Variants in PPME1 observed in about 807,000 individuals in gnomAD.
PPME1 encodes protein phosphatase methylesterase 1, also known as testicular secretory protein Li 39.
In PPME1, 17 loss-of-function variants were observed where a neutral mutation model predicts 56.9. The observed-to-expected ratio is 0.30, with a 90% CI of 0.20 to 0.45. The LOEUF (loss-of-function observed/expected upper bound fraction) is 0.45, where lower values mean the gene tolerates loss of function less well. Ranked by LOEUF, PPME1 falls within the 20% of genes least tolerant of loss-of-function variation. The probability of loss-of-function intolerance (pLI) is 1.00; values close to 1 mark genes in which losing one functional copy is unlikely to be tolerated. For synonymous variants in PPME1, 122 were observed against 156.2 expected, an observed-to-expected ratio of 0.78 and a Z score of 1.63; for missense variants, 357 against 483.2, an observed-to-expected ratio of 0.74 and a Z score of 2.45.
intron 1 of PPME1, among the ~76,000 whole-genome samples, chr11:74,182,604 C>T (rs2135595081): frequency 6.6e-6 from 1 of 152,226 alleles, no homozygotes; most frequent in South Asian, 2.1e-4. Flanking sequence ...AAGAGATCTG[C>T]CCACCTTGGC....
At chr11:74,174,019 A>G (rs1424206306) in intron 1 of PPME1, among the ~76,000 whole-genome samples, 2 of 152,132 alleles carry the variant, frequency 1.3e-5, no homozygotes, top group Non-Finnish European at 2.9e-5. Context: ...TTTCTTTTCT[A>G]CTTTATTGGT....
chr11:74,200,804 G>T (rs987059254), intron 1 of PPME1, among the ~76,000 whole-genome samples: 1 of 152,044 alleles, frequency 6.6e-6, no homozygotes, highest in Non-Finnish European at 1.5e-5. Context: ...TCATTTGGTG[G>T]AAATAAGTTG....
chr11:74,174,553 A>C (rs1857362219), intron 1 of PPME1, among the ~76,000 whole-genome samples: 1 of 152,128 alleles, frequency 6.6e-6, no homozygotes, highest in South Asian at 2.1e-4. Context: ...CTTACTCTTA[A>C]CTATTTTTCA....
chr11:74,198,004 C>T (rs570813199), intron 1 of PPME1, among the ~76,000 whole-genome samples: 11 of 152,274 alleles, frequency 7.2e-5, no homozygotes, highest in Non-Finnish European at 1.3e-4. Flanking sequence ...TGTCAAACTT[C>T]TTCCTTTGGC....
In PPME1 at chr11:74,222,556, TCAGCTCA is replaced by T. The variant is rs1858825619; in HGVS notation, c.346+189_346+195del. 4 of 551,720 alleles carry T rather than the reference TCAGCTCA, an allele frequency of 7.3e-6. No homozygotes were observed. In the African/African-American group the frequency reaches 7.7e-5, roughly 11 times the overall value. The allele number at this position is 551,720 out of a possible 1,614,324, so 34.2% of individuals were successfully genotyped here. ...CAGGCTGGGGTGCAGTGGCACAATC[TCAGCTCA>T]CTGCAACCTCTGCCTCCTGGGTTCA... On this transcript the variant is annotated intron_variant, in intron 4 of 13. Transcript: ENST00000328257.
chr11:74,225,554 G>A (rs1218559788), intron 5 of PPME1, among the ~76,000 whole-genome samples: 3 of 152,108 alleles, frequency 2.0e-5, no homozygotes, highest in Non-Finnish European at 4.4e-5. Context: ...ATGGAATTGC[G>A]TTGAATCTGG....
intron 5 of PPME1, among the ~76,000 whole-genome samples, chr11:74,227,771 G>T (rs1858968089): frequency 6.6e-6 from 1 of 151,778 alleles, no homozygotes; most frequent in South Asian, 2.1e-4. Context: ...CTCAAGTAAG[G>T]TACTTGTTGA....
intron 1 of PPME1, among the ~76,000 whole-genome samples, chr11:74,171,991 C>G (rs1410001798): frequency 6.6e-6 from 1 of 151,896 alleles, no homozygotes; most frequent in African/African-American, 2.4e-5. Flanking sequence ...GAACTAGATA[C>G]TAGAAAAGCT....
chr11:74,208,548 C>G (rs1273053897), intron 3 of PPME1, among the ~76,000 whole-genome samples: 2 of 152,296 alleles, frequency 1.3e-5, no homozygotes, highest in Admixed American at 6.5e-5. Context: ...ATTTTTATCT[C>G]AGACTAGGTT....
chr11:74,188,158 G>A (rs906113266), intron 1 of PPME1, among the ~76,000 whole-genome samples: 110 of 151,060 alleles, frequency 7.3e-4, no homozygotes, highest in African/African-American at 2.5e-3. Context: ...ATCTAGAATC[G>A]TGAGTTCATA....
At chr11:74,201,319 G>C (rs76459687) in intron 1 of PPME1, among the ~76,000 whole-genome samples, 15,751 of 152,010 alleles carry the variant, frequency 0.1, 2,138 homozygotes, top group African/African-American at 0.32. Context: ...AAGGAAATTA[G>C]AAGTGGAGGG....
At position 74,227,474 on chromosome 11, in the gene PPME1, GA is replaced by G. The variant is rs61171109; in HGVS notation, c.398+2229del. 2.0e-4 allele frequency among the ~76,000 whole-genome samples: 29 copies of G among 144,358 alleles called. No individual in the cohort carries two copies. The East Asian group carries it at 3.4e-3, about 17-fold the overall frequency. The allele number at this position is 144,358 out of a possible 152,430, so 94.7% of individuals were successfully genotyped here. On this transcript the variant is annotated intron_variant, in intron 5 of 13. Transcript: ENST00000328257. ...GTGATTTCTGAATTCAGTTACTGTG[GA>G]AAAAAAAAAACCTCAAAATGGGCAT...
intron 1 of PPME1, among the ~76,000 whole-genome samples, chr11:74,195,266 T>C (rs1298966449): frequency 6.6e-6 from 1 of 152,240 alleles, no homozygotes; most frequent in Non-Finnish European, 1.5e-5. Flanking sequence ...TGGTATTGAA[T>C]TGCATGATAA....
intron 1 of PPME1, among the ~76,000 whole-genome samples, chr11:74,203,361 G>C (rs995986542): frequency 6.6e-6 from 1 of 152,138 alleles, no homozygotes; most frequent in African/African-American, 2.4e-5. Flanking sequence ...CAGTTGGGAG[G>C]ATGGAAATGA....
At chr11:74,195,818 T>C (rs1029317311) in intron 1 of PPME1, among the ~76,000 whole-genome samples, 1 of 152,224 alleles carries the variant, frequency 6.6e-6, no homozygotes, top group Non-Finnish European at 1.5e-5. Flanking sequence ...TTCATATCTT[T>C]ATGGGCTGTT....
chr11:74,184,786 A>G (rs1205262994), intron 1 of PPME1, among the ~76,000 whole-genome samples: 2 of 152,026 alleles, frequency 1.3e-5, no homozygotes, highest in Admixed American at 6.6e-5. Flanking sequence ...GAAAGGACTA[A>G]ATTTTAATCA....
At chr11:74,214,304 CA>C (rs1165854583) in intron 3 of PPME1, among the ~76,000 whole-genome samples, 2 of 151,944 alleles carry the variant, frequency 1.3e-5, no homozygotes, top group African/African-American at 4.8e-5. Context: ...AAAAAGAATA[CA>C]AAAACAATGC....
At chr11:74,235,465 C>A (rs1859167977) in intron 7 of PPME1, among the ~76,000 whole-genome samples, 1 of 152,110 alleles carries the variant, frequency 6.6e-6, no homozygotes, top group Non-Finnish European at 1.5e-5. Flanking sequence ...GCCTAGAATG[C>A]TCTAACCAAC....
In PPME1 at chr11:74,188,443, C is replaced by T. The variant is rs1044576240; in HGVS notation, c.102-15285C>T. ...CTCATGATCTGCCTGCCTCGGCCTC[C>T]CAAAGTGCTGGGATTACAGGGGTGA... On this transcript the variant is annotated intron_variant, in intron 1 of 13. Transcript: ENST00000328257. Among the ~76,000 whole-genome samples the T allele has an allele frequency of 5.3e-5, 8 of 152,066 alleles. No homozygotes were observed. The East Asian group carries it at 1.5e-3, about 29-fold the overall frequency.
Sources: gnomAD v4.1 joint callset for allele counts (sites outside exome capture counted in the v4.1 genomes callset) on GRCh38, gnomAD v4.1.1 for gene constraint, MANE v1.5 for transcripts, NCBI Gene and HGNC (gene_info 2026-07-23, HGNC 2026-07-21) for gene names.